Variants in NOTCH4 observed in about 807,000 individuals in gnomAD.
NOTCH4 encodes the protein neurogenic locus notch homolog protein 4.
Under a neutral mutation model 189.0 loss-of-function variants are expected in NOTCH4, and 138 were observed. The ratio of observed to expected loss-of-function variants is 0.73; its 90% CI spans 0.64 to 0.84. NOTCH4 has a LOEUF of 0.84. Ranked by LOEUF, NOTCH4 falls within the 40% of genes least tolerant of loss-of-function variation. NOTCH4 has a pLI of 0.00. For missense variants in NOTCH4, 2,286 were observed against 2,605.4 expected, an observed-to-expected ratio of 0.88 and a Z score of 2.67; for synonymous variants, 942 against 1,032.8, an observed-to-expected ratio of 0.91 and a Z score of 1.69.
Position 32,223,973 on chromosome 6 carries a change from C to A in NOTCH4, c.-45G>T. 6.4e-7 allele frequency: 1 copy of A among 1,553,214 alleles called. No individual in the cohort carries two copies. The highest frequency in any genetic ancestry group is 1.2e-5 in the South Asian group (1 of 85,442). ...GCCCCGGTCCCTGTCCCTCTTCAGG[C>A]AGGGACCCTCAGAGCTCTCACTGGG... On this transcript the variant is annotated 5_prime_UTR_variant, in exon 1 of 30. Transcript: ENST00000375023.
chr6:32,194,985 G>C lies in NOTCH4; in HGVS notation c.*452C>G. The C allele has an allele frequency of 4.2e-6, 1 of 240,246 alleles. No homozygotes were observed. Among genetic ancestry groups the C allele is most frequent in the East Asian group, 6.0e-5 (1 of 16,730 alleles). 14.9% of individuals were successfully genotyped at this position (240,246 alleles called of 1,614,324 possible). On this transcript the variant is annotated 3_prime_UTR_variant, in exon 30 of 30. Transcript: ENST00000375023. This position sits in a 1 kb window ranked among gnomAD's most constrained non-coding sequence, Gnocchi z 4.5. ...AATGCAAGGAGTCATCAGCGGGGGTGGCCCTTGGCCACTTTTCAGCACCTA... is the reference window on the plus strand; with the variant it reads ...AATGCAAGGAGTCATCAGCGGGGGTCGCCCTTGGCCACTTTTCAGCACCTA...
intron 18 of NOTCH4, among the ~76,000 whole-genome samples, chr6:32,208,704 A>G (rs1788842577): frequency 6.6e-6 from 1 of 152,236 alleles, no homozygotes; most frequent in Admixed American, 6.5e-5. Flanking sequence ...ACTGTGATCC[A>G]GCCTGGGCAA....
At chr6:32,213,990 G>A (rs1479322431) in intron 13 of NOTCH4, 120 bp downstream of exon 13, 1 of 1,411,810 alleles carries the variant, frequency 7.1e-7, no homozygotes, top group African/African-American at 1.4e-5. Context: ...CATCACCCGT[G>A]TCCCCTGCAG....
In NOTCH4 at chr6:32,195,917, C is replaced by A. The variant is rs368175641; in HGVS notation, c.5532G>T (p.Arg1844=). ...GCGGGGGCACGCTTACTGACACCGT[C>A]CGTGCGCGCGGGAAGGGCCCAGCCT... ...GREAGPFPRA[R]TVSVSVPPHG... is the part of the protein sequence containing the mutation. Residue 1844 remains arginine (R), a synonymous_variant, in exon 30 of 30, where the codon CGG becomes CGT. Coordinates refer to ENST00000375023, the MANE Select transcript of NOTCH4 (RefSeq NM_004557.4). The surrounding 1 kb of genome is among the most constrained non-coding windows in gnomAD (Gnocchi z 5.4). 10 of 1,586,740 alleles carry A rather than the reference C, an allele frequency of 6.3e-6. No individual in the cohort carries two copies. In the African/African-American group the frequency reaches 1.3e-4, roughly 21 times the overall value.
At chr6:32,211,366 G>A (rs1435294086) in intron 17 of NOTCH4, among the ~76,000 whole-genome samples, 4 of 151,612 alleles carry the variant, frequency 2.6e-5, no homozygotes, top group African/African-American at 9.7e-5. Flanking sequence ...TGAGACGGGT[G>A]GATCACTGAG....
chr6:32,201,706 C>A lies in NOTCH4; in HGVS notation c.3756-206G>T, dbSNP rs1183264089. On this transcript the variant is annotated intron_variant, in intron 21 of 29. Transcript: ENST00000375023. This position sits in a 1 kb window ranked among gnomAD's most constrained non-coding sequence, Gnocchi z 5.5. ...CACCCCTGTCTCCCTAGACTGTCCC[C>A]TCTCTGTACCCTCCCAAGCTCTCCT... The A allele has an allele frequency of 6.8e-6, 3 of 442,818 alleles. No homozygotes were observed. Among genetic ancestry groups the A allele is most frequent in the Non-Finnish European group, 1.2e-5 (3 of 258,874 alleles). 27.4% of individuals were successfully genotyped at this position (442,818 alleles called of 1,614,324 possible).
rs1789631349 is a variant in NOTCH4 at position 32,219,742 on chromosome 6, T to C, written c.1360A>G (p.Asn454Asp). 2 of 1,612,526 alleles carry C rather than the reference T, an allele frequency of 1.2e-6. No homozygotes were observed. The highest frequency in any genetic ancestry group is 2.2e-5 in the South Asian group (2 of 91,032). Residue 454 changes from asparagine to aspartate, a missense_variant, in exon 8 of 30, where the codon AAC becomes GAC. This residue lies in a region of NOTCH4 where 1,903 missense variants were observed against 2,261.9 expected (regional missense o/e 0.84). Coordinates refer to ENST00000375023, the MANE Select transcript of NOTCH4 (RefSeq NM_004557.4). Reference protein sequence around the residue: ...SPCEHGGSCLNTPGSFNCLCP... With the variant: ...SPCEHGGSCLDTPGSFNCLCP... ...AGGCAGTTGAAGGAGCCAGGAGTGT[T>C]GAGGCAGGAACCGCCATGTTCACAG...
At chr6:32,215,089 C>T in intron 12 of NOTCH4, 137 bp downstream of exon 12, 1 of 782,158 alleles carries the variant, frequency 1.3e-6, no homozygotes, top group South Asian at 1.9e-5. Flanking sequence ...ACTGCCTTGC[C>T]CTAAGAACTT....
rs768458286 is a variant in NOTCH4, at chr6:32,212,522, G to A, written c.2632C>T (p.Leu878Phe). The A allele has an allele frequency of 6.2e-7, 1 of 1,613,124 alleles. No individual in the cohort carries two copies. The change falls in exon 17 of 30, where the codon CTC becomes TTC. Residue 878 changes from leucine to phenylalanine, a missense_variant. Leu to Phe is a conservative substitution (Grantham distance 22). Around this residue, in one of 2 missense-constraint regions of NOTCH4, gnomAD observed 1,903 missense variants for 2,261.9 expected, o/e 0.84. Transcript: ENST00000375023. The surrounding 1 kb of genome is among the most constrained non-coding windows in gnomAD (Gnocchi z 4.4). ...CAGGAGGACAGTGGAAGGTTGCAGA[G>A]AGGCCCGGTCCATCCCTGGAGGCAC... ...CLCLQGWTGP[L>F]CNLPLSSCQK...
chr6:32,221,481 C>T lies in NOTCH4; in HGVS notation c.452-156G>A, dbSNP rs545305593. The stretch of plus-strand genomic sequence containing the variant: ...TCTTTGCTCTGTTCCATCACCCCTG[C>T]TCTGAGCGATGTCATGGCTTGGGAG... On this transcript the variant is annotated intron_variant, in intron 3 of 29. Coordinates refer to ENST00000375023, the MANE Select transcript of NOTCH4 (RefSeq NM_004557.4). This position sits in a 1 kb window ranked among gnomAD's most constrained non-coding sequence, Gnocchi z 4.3. Among the ~76,000 whole-genome samples the T allele has an allele frequency of 4.6e-5, 7 of 152,342 alleles. No individual in the cohort carries two copies. In the East Asian group the frequency reaches 1.4e-3, roughly 29 times the overall value.
rs1789722351 is a variant in NOTCH4 at position 32,220,884 on chromosome 6, A to T, written c.800-6T>A. On this transcript the variant is annotated splice_region_variant and splice_polypyrimidine_tract_variant and intron_variant, in intron 4 of 29. Transcript: ENST00000375023. ...ACAGTCTGGGCCTATGAAACCTGAC[A>T]GGGTCATGGATCAGCTGTGGGAGGA... 6.2e-7 allele frequency: 1 copy of T among 1,612,650 alleles called. No individual in the cohort carries two copies. Among genetic ancestry groups the T allele is most frequent in the African/African-American group, 1.3e-5 (1 of 74,922 alleles).
rs1355138672 is a variant in NOTCH4, at chr6:32,200,727, T to C, written c.4315+104A>G. 4 of 974,338 alleles carry C rather than the reference T, an allele frequency of 4.1e-6. No individual in the cohort carries two copies. In the East Asian group the frequency reaches 1.2e-4, roughly 29 times the overall value. The allele number at this position is 974,338 out of a possible 1,614,324, so 60.4% of individuals were successfully genotyped here. A position where few individuals can be genotyped will look rare whatever the true frequency, so the allele number is the denominator to read the frequency against. On this transcript the variant is annotated intron_variant, in intron 23 of 29. Coordinates refer to ENST00000375023, the MANE Select transcript of NOTCH4 (RefSeq NM_004557.4). The surrounding 1 kb of genome is among the most constrained non-coding windows in gnomAD (Gnocchi z 5.0). ...GAAAGTAAGTCCCCACAAAGAACATTTTCAGTCTCAGCTGTCCTGTTTGAT... is the reference window on the plus strand; with the variant it reads ...GAAAGTAAGTCCCCACAAAGAACATCTTCAGTCTCAGCTGTCCTGTTTGAT...
At chr6:32,209,688 G>C (rs1788893798) in intron 18 of NOTCH4, among the ~76,000 whole-genome samples, 1 of 152,030 alleles carries the variant, frequency 6.6e-6, no homozygotes, top group Non-Finnish European at 1.5e-5. Context: ...TCTGAGACCA[G>C]CCTGCCCAAC....
At chr6:32,214,902 C>T (rs761125056) in intron 12 of NOTCH4, among the ~76,000 whole-genome samples, 17 of 152,034 alleles carry the variant, frequency 1.1e-4, no homozygotes, top group African/African-American at 3.9e-4. Flanking sequence ...CTGGGATTAC[C>T]GGCATGAGAC....
In NOTCH4 at chr6:32,203,761, G is replaced by A. The variant is rs76739100; in HGVS notation, c.3231+9C>T. On this transcript the variant is annotated intron_variant, in intron 20 of 29. Transcript: ENST00000375023. ...GGGCAACAGAGAAGGCAGATTTGTG[G>A]TCACTTGCCTTGGGGCAGTGGCAGA... The A allele has an allele frequency of 0.024, 36,354 of 1,546,408 alleles. 502 individuals carry two copies. The highest frequency in any genetic ancestry group is 0.036 in the East Asian group (1,471 of 41,276).
At chr6:32,222,431 C>T (rs1789835716) in intron 3 of NOTCH4, 80 bp downstream of exon 3, 3 of 1,290,250 alleles carry the variant, frequency 2.3e-6, no homozygotes, top group Non-Finnish European at 3.1e-6. Context: ...GTTTCTCAGG[C>T]TCCAGTTCTA....
In NOTCH4 at chr6:32,199,233, G is replaced by A; in HGVS notation, c.4316-88C>T. 1 of 946,836 alleles carries A rather than the reference G, an allele frequency of 1.1e-6. No individual in the cohort carries two copies. Among genetic ancestry groups the A allele is most frequent in the Non-Finnish European group, 1.5e-6 (1 of 651,736 alleles). 58.7% of individuals were successfully genotyped at this position (946,836 alleles called of 1,614,324 possible). ...GACCTTTGGACAAGTTTAGTAGCCGGTCTTTGCCTCGGTTTCCTTATCTGC... is the reference window on the plus strand; with the variant it reads ...GACCTTTGGACAAGTTTAGTAGCCGATCTTTGCCTCGGTTTCCTTATCTGC... On this transcript the variant is annotated intron_variant, in intron 23 of 29. Transcript: ENST00000375023. This position sits in a 1 kb window ranked among gnomAD's most constrained non-coding sequence, Gnocchi z 4.9.
chr6:32,197,490 C>A lies in NOTCH4; in HGVS notation c.4861G>T (p.Asp1621Tyr), dbSNP rs367830176. The A allele has an allele frequency of 6.2e-7, 1 of 1,603,740 alleles. No homozygotes were observed. The highest frequency in any genetic ancestry group is 8.5e-7 in the Non-Finnish European group (1 of 1,174,838). The change falls in exon 27 of 30, where the codon GAT becomes TAT. Residue 1621 changes from aspartate to tyrosine, a missense_variant. This residue lies in a region of NOTCH4 where 1,903 missense variants were observed against 2,261.9 expected (regional missense o/e 0.84). Transcript: ENST00000375023. ...TGAGCCTGGGGACAGGCCCCTCCATCCAGCAGAGGTTCCCAGGGCTCAGGA... is the reference window on the plus strand; with the variant it reads ...TGAGCCTGGGGACAGGCCCCTCCATACAGCAGAGGTTCCCAGGGCTCAGGA... ...GCPEPWEPLL[D>Y]GGACPQAHTV... is the part of the protein sequence containing the mutation.
Position 32,212,765 on chromosome 6 carries a change from C to A in NOTCH4, c.2526+59G>T. Reference sequence around the variant, plus strand: ...GAATGGCCTGGGACCAGGTGACCCTCCCTGGTTTCCCTCCCAGCCACTTCC... The same window carrying A: ...GAATGGCCTGGGACCAGGTGACCCTACCTGGTTTCCCTCCCAGCCACTTCC... On this transcript the variant is annotated intron_variant, in intron 16 of 29. Coordinates refer to ENST00000375023, the MANE Select transcript of NOTCH4 (RefSeq NM_004557.4). The surrounding 1 kb of genome is among the most constrained non-coding windows in gnomAD (Gnocchi z 4.4). 1 of 1,450,506 alleles carries A rather than the reference C, an allele frequency of 6.9e-7. No homozygotes were observed. Among genetic ancestry groups the A allele is most frequent in the South Asian group, 1.4e-5 (1 of 72,632 alleles). 89.9% of individuals were successfully genotyped at this position (1,450,506 alleles called of 1,614,324 possible).
Sources: gnomAD v4.1 joint callset for allele counts (sites outside exome capture counted in the v4.1 genomes callset) on GRCh38, gnomAD v4.1.1 for gene constraint, gnomAD v4.1.1 regional missense constraint, Gnocchi (gnomAD v3.1) non-coding constraint, MANE v1.5 for transcripts, NCBI Gene and HGNC (gene_info 2026-07-23, HGNC 2026-07-21) for gene names.